The following RUNDC1 variants were observed in gnomAD, a reference collection of about 807,000 sequenced individuals.
The protein encoded by RUNDC1 is RUN domain containing 1.
In RUNDC1, 31 loss-of-function variants were observed where a neutral mutation model predicts 49.3. The ratio of observed to expected loss-of-function variants is 0.63; its 90% CI spans 0.47 to 0.85. RUNDC1 has a LOEUF of 0.85. Ranked by LOEUF, RUNDC1 falls within the 40% of genes least tolerant of loss-of-function variation. The pLI is 0.00. For missense variants in RUNDC1, 715 were observed against 806.7 expected (o/e 0.89, Z 1.38); for synonymous variants, 347 against 348.6 (o/e 1.00, Z 0.05).
At position 42,981,077 on chromosome 17, in the gene RUNDC1, G is replaced by A. The variant is rs537037839; in HGVS notation, c.498+3G>A. 10 of 1,561,062 alleles carry A rather than the reference G, an allele frequency of 6.4e-6. 1 individual carries two copies. The South Asian group carries it at 1.2e-4, about 18-fold the overall frequency. The stretch of plus-strand genomic sequence containing the variant: ...CATGGTTGCGGGGCGAGGACCAGGT[G>A]AGTGGCTGGAGCCGGGCCGCGAGGA... On this transcript the variant is annotated splice_donor_region_variant and intron_variant, in intron 1 of 4. Transcript: ENST00000361677.
chr17:42,980,730 G>C lies in RUNDC1; in HGVS notation c.154G>C (p.Gly52Arg). ...PVGAVAEARP[G>R]ATAFLEEATA... is the part of the protein sequence containing the mutation. ...GGGGGCGGTGGCGGAGGCCCGGCCT[G>C]GGGCAACCGCGTTTTTAGAAGAGGC... Residue 52 changes from glycine (G) to arginine (R), a missense_variant, in exon 1 of 5, where the codon GGG (glycine) becomes CGG (arginine). Physicochemically the swap from Gly to Arg is moderately radical, Grantham distance 125. Around this residue, in one of 5 missense-constraint regions of RUNDC1, gnomAD observed 153 missense variants for 139.4 expected, o/e 1.10. Coordinates refer to ENST00000361677, the MANE Select transcript of RUNDC1 (RefSeq NM_173079.5). The C allele has an allele frequency of 6.5e-7, 1 of 1,532,760 alleles. No homozygotes were observed. Among genetic ancestry groups the C allele is most frequent in the Non-Finnish European group, 8.7e-7 (1 of 1,143,482 alleles). The allele number at this position is 1,532,760 out of a possible 1,614,324, so 94.9% of individuals were successfully genotyped here.
chr17:42,990,458 G>A lies in RUNDC1; in HGVS notation c.976+22G>A, dbSNP rs754729613. 2.5e-6 allele frequency: 4 copies of A among 1,612,588 alleles called. No homozygotes were observed. The Admixed American group carries it at 6.7e-5, about 27-fold the overall frequency. The stretch of plus-strand genomic sequence containing the variant: ...AAAAGTAAGTGCAGTTTCCAGAACA[G>A]GCAAATCTCTAGAGACAGAAAGTAG... On this transcript the variant is annotated intron_variant, in intron 4 of 4. Transcript: ENST00000361677.
intron 1 of RUNDC1, among the ~76,000 whole-genome samples, chr17:42,982,179 G>A (rs2151956022): frequency 6.6e-6 from 1 of 151,870 alleles, no homozygotes; most frequent in East Asian, 1.9e-4. Flanking sequence ...TTGAGGCGGG[G>A]TTTCACCACA....
At chr17:42,982,749 G>A (rs187519007) in intron 1 of RUNDC1, among the ~76,000 whole-genome samples, 137 of 151,510 alleles carry the variant, frequency 9.0e-4, no homozygotes, top group African/African-American at 3.2e-3. Context: ...CAAGGCGGGC[G>A]GATCACCTGA....
chr17:42,989,910 C>G (rs1426665416), intron 3 of RUNDC1, among the ~76,000 whole-genome samples: 1 of 152,170 alleles, frequency 6.6e-6, no homozygotes, highest in Non-Finnish European at 1.5e-5. Context: ...ACCAGGACTA[C>G]AGGCATGAGC....
In RUNDC1 at chr17:42,992,016, C is replaced by G; in HGVS notation, c.*300C>G. 1 of 343,726 alleles carries G rather than the reference C, an allele frequency of 2.9e-6. No homozygotes were observed. The highest frequency in any genetic ancestry group is 2.8e-5 in the South Asian group (1 of 35,146). The allele number at this position is 343,726 out of a possible 1,614,324, so 21.3% of individuals were successfully genotyped here. ...GATCACAAGGTCAGGAGTTCGAGACCATCCTGTCTAACACGGTGAAACCCC... is the reference window on the plus strand; with the variant it reads ...GATCACAAGGTCAGGAGTTCGAGACGATCCTGTCTAACACGGTGAAACCCC... On this transcript the variant is annotated 3_prime_UTR_variant, in exon 5 of 5. Transcript: ENST00000361677.
chr17:42,982,536 C>T (rs963478691), intron 1 of RUNDC1, among the ~76,000 whole-genome samples: 1 of 152,124 alleles, frequency 6.6e-6, no homozygotes, highest in Admixed American at 6.6e-5. Flanking sequence ...AAAGGTTCTA[C>T]ATGATAGGAA....
In RUNDC1 at chr17:42,990,573, A is replaced by G. The variant is rs1165503387; in HGVS notation, c.976+137A>G. 5 of 934,916 alleles carry G rather than the reference A, an allele frequency of 5.3e-6. No homozygotes were observed. In the East Asian group the frequency reaches 1.3e-4, roughly 25 times the overall value. 57.9% of individuals were successfully genotyped at this position (934,916 alleles called of 1,614,324 possible). A position where few individuals can be genotyped will look rare whatever the true frequency, so the allele number is the denominator to read the frequency against. On this transcript the variant is annotated intron_variant, in intron 4 of 4. Transcript: ENST00000361677. The stretch of plus-strand genomic sequence containing the variant: ...TGGATTTGCTTTTGGGAAGGATGAA[A>G]TATTCTAAAATTGATTGCAGTGACA...
intron 1 of RUNDC1, chr17:42,982,110 C>G (rs2050105438): frequency 6.6e-6 from 1 of 151,802 alleles, no homozygotes; most frequent in Non-Finnish European, 1.5e-5. Context: ...CTCAGCTTCC[C>G]CAGTATCTGG....
rs1287387316 is a variant in RUNDC1, at chr17:42,987,397, G to T, written c.640G>T (p.Val214Leu). The T allele has an allele frequency of 6.2e-7, 1 of 1,614,170 alleles. No homozygotes were observed. The highest frequency in any genetic ancestry group is 8.5e-7 in the Non-Finnish European group (1 of 1,180,032). Residue 214 changes from valine to leucine, a missense_variant, in exon 2 of 5, where the codon GTG becomes TTG. Physicochemically the swap from Val to Leu is conservative, Grantham distance 32 (BLOSUM62 1). Coordinates refer to ENST00000361677, the MANE Select transcript of RUNDC1 (RefSeq NM_173079.5). The stretch of plus-strand genomic sequence containing the variant: ...TTATGACTCGCTGCCACAGTCCGTG[G>T]TGTTGGAAAGACAGCGGGTGAGCAG... The part of the protein sequence containing the change: ...GSYDSLPQSV[V>L]LERQRVIIDE...
At chr17:42,988,935 T>C (rs2050203890) in intron 2 of RUNDC1, among the ~76,000 whole-genome samples, 1 of 152,148 alleles carries the variant, frequency 6.6e-6, no homozygotes, top group Non-Finnish European at 1.5e-5. Flanking sequence ...TACGCTCACA[T>C]TACTGGACCC....
chr17:42,990,770 T>C, intron 4 of RUNDC1, 81 bp from the exon 5 acceptor site: 1 of 1,487,028 alleles, frequency 6.7e-7, no homozygotes, highest in South Asian at 1.3e-5. Context: ...TGGCTCAGAC[T>C]GATCTCAGCC....
At chr17:42,988,795 A>G (rs1366831498) in intron 2 of RUNDC1, among the ~76,000 whole-genome samples, 5 of 152,108 alleles carry the variant, frequency 3.3e-5, no homozygotes, top group Admixed American at 3.3e-4. Context: ...CCTGAGCAAC[A>G]TAACGAGACC....
chr17:42,990,509 G>A lies in RUNDC1; in HGVS notation c.976+73G>A, dbSNP rs533761949. On this transcript the variant is annotated intron_variant, in intron 4 of 4. Coordinates refer to ENST00000361677, the MANE Select transcript of RUNDC1 (RefSeq NM_173079.5). ...ATGAGTGGTTGCCTAGGGCTTGGGT[G>A]TGTTGAGGAGAAGAGGGGAATGAGA... 1.6e-5 allele frequency: 24 copies of A among 1,471,204 alleles called. No homozygotes were observed. The East Asian group carries it at 3.2e-4, about 20-fold the overall frequency. 91.1% of individuals were successfully genotyped at this position (1,471,204 alleles called of 1,614,324 possible). A position where few individuals can be genotyped will look rare whatever the true frequency, so the allele number is the denominator to read the frequency against.
At chr17:42,984,889 C>CTT (rs56228523) in intron 1 of RUNDC1, among the ~76,000 whole-genome samples, 37 of 65,288 alleles carry the variant, frequency 5.7e-4, no homozygotes, top group East Asian at 1.4e-3. Flanking sequence ...TTCTTTCTTT[C>CTT]TTTTTTTTTT....
At position 42,980,842 on chromosome 17, in the gene RUNDC1, G is replaced by A; in HGVS notation, c.266G>A (p.Arg89Gln). 1 of 1,389,252 alleles carries A rather than the reference G, an allele frequency of 7.2e-7. No individual in the cohort carries two copies. Among genetic ancestry groups the A allele is most frequent in the Non-Finnish European group, 9.2e-7 (1 of 1,081,790 alleles). The allele number at this position is 1,389,252 out of a possible 1,614,324, so 86.1% of individuals were successfully genotyped here. A position where few individuals can be genotyped will look rare whatever the true frequency, so the allele number is the denominator to read the frequency against. ...TLRRLRAERR[R>Q]LDSALLALSS... The stretch of plus-strand genomic sequence containing the variant: ...CGGCGGCTGCGGGCAGAGCGGCGGC[G>A]GCTGGACTCGGCGCTGCTGGCGCTG... Residue 89 changes from arginine to glutamine, a missense_variant, in exon 1 of 5, where the codon CGG (arginine) becomes CAG (glutamine). By Grantham distance (43) the Arg-to-Gln change is conservative. This residue lies in a region of RUNDC1 where 153 missense variants were observed against 139.4 expected (regional missense o/e 1.10). Transcript: ENST00000361677.
rs574658215 is a variant in RUNDC1 at position 42,981,247 on chromosome 17, C to T, written c.498+173C>T. 1.4e-4 allele frequency: 118 copies of T among 825,144 alleles called. 1 individual carries two copies. The South Asian group carries it at 2.2e-3, about 15-fold the overall frequency. 51.1% of individuals were successfully genotyped at this position (825,144 alleles called of 1,614,324 possible). ...CGGGGCCGGCTGAAGGGCAAGAGGA[C>T]AGAGGCCTGGGAACCTGAGGGTGAG... On this transcript the variant is annotated intron_variant, in intron 1 of 4. Coordinates refer to ENST00000361677, the MANE Select transcript of RUNDC1 (RefSeq NM_173079.5).
chr17:42,990,018 G>T (rs2050217736), intron 3 of RUNDC1, among the ~76,000 whole-genome samples: 2 of 152,130 alleles, frequency 1.3e-5, no homozygotes, highest in South Asian at 4.1e-4. Flanking sequence ...GAAAGTGCAT[G>T]GGTTTCAAAA....
At chr17:42,982,587 C>T (rs1299434961) in intron 1 of RUNDC1, among the ~76,000 whole-genome samples, 1 of 152,168 alleles carries the variant, frequency 6.6e-6, no homozygotes, top group Non-Finnish European at 1.5e-5. Context: ...AGTAGGCCAA[C>T]CCCATTTTCC....
Sources: gnomAD v4.1 joint callset for allele counts (sites outside exome capture counted in the v4.1 genomes callset) on GRCh38, gnomAD v4.1.1 for gene constraint, gnomAD v4.1.1 regional missense constraint, MANE v1.5 for transcripts, NCBI Gene and HGNC (gene_info 2026-07-23, HGNC 2026-07-21) for gene names.